NPSR1: variants seen among roughly 807,000 people sequenced by gnomAD.
The protein encoded by NPSR1 is neuropeptide S receptor.
NPSR1 carries 48 observed loss-of-function variants against 46.9 expected under a neutral mutation model. That is an observed-to-expected ratio of 1.02 (90% confidence interval 0.81 to 1.30). The LOEUF (loss-of-function observed/expected upper bound fraction) is 1.30, where lower values mean the gene tolerates loss of function less well. Among genes scored for constraint, NPSR1 ranks in the 50% most tolerant of loss-of-function variants. The probability of loss-of-function intolerance (pLI) is 0.00; values close to 1 mark genes in which losing one functional copy is unlikely to be tolerated. For synonymous variants in NPSR1, 176 were observed against 168.1 expected (o/e 1.05, Z -0.36); for missense variants, 450 against 449.5 (o/e 1.00, Z -0.01).
intron 2 of NPSR1, among the ~76,000 whole-genome samples, chr7:34,713,020 G>T (rs955837677): frequency 3.3e-5 from 5 of 152,288 alleles, no homozygotes; most frequent in South Asian, 2.1e-4. Context: ...CATGTGAGCT[G>T]CCCAGCTCCA....
intron 2 of NPSR1, among the ~76,000 whole-genome samples, chr7:34,697,891 G>A (rs2128693886): frequency 6.6e-6 from 1 of 152,134 alleles, no homozygotes; most frequent in East Asian, 1.9e-4. Flanking sequence ...TGCATTAATT[G>A]TAAATGGACT....
At chr7:34,819,908 C>A (rs985864738) in intron 4 of NPSR1, among the ~76,000 whole-genome samples, 34 of 152,092 alleles carry the variant, frequency 2.2e-4, no homozygotes, top group Non-Finnish European at 4.3e-4. Flanking sequence ...ACATCAGACA[C>A]CGGGGCCTGT....
At chr7:34,872,457 A>G (rs887983808) in intron 8 of NPSR1, among the ~76,000 whole-genome samples, 2 of 151,946 alleles carry the variant, frequency 1.3e-5, no homozygotes, top group African/African-American at 4.9e-5. Flanking sequence ...TTGCCTAGCA[A>G]GTGGTTGCTC....
rs2128756447 is a variant in NPSR1, at chr7:34,827,671, G to A, written c.680+69G>A. 5.2e-6 allele frequency: 5 copies of A among 956,120 alleles called. No individual in the cohort carries two copies. In the South Asian group the frequency reaches 6.7e-5, roughly 13 times the overall value. 59.2% of individuals were successfully genotyped at this position (956,120 alleles called of 1,614,324 possible). ...GGGGGGCTTTCCTGTTTCTCCAGCT[G>A]TTGCTCTCCTCCCCAACAGACCCAT... On this transcript the variant is annotated intron_variant, in intron 5 of 8. Transcript: ENST00000360581.
intron 2 of NPSR1, among the ~76,000 whole-genome samples, chr7:34,735,697 T>A (rs899063099): frequency 2.0e-5 from 3 of 152,208 alleles, no homozygotes; most frequent in Admixed American, 1.3e-4. Flanking sequence ...GTAGTTAAGG[T>A]TTTGATACTC....
At chr7:34,783,536 T>C (rs541977209) in intron 3 of NPSR1, among the ~76,000 whole-genome samples, 115 of 152,190 alleles carry the variant, frequency 7.6e-4, no homozygotes, top group Non-Finnish European at 2.1e-4. Flanking sequence ...AACTATATTA[T>C]ACAAGTTATA....
chr7:34,705,764 T>C (rs1794074701), intron 2 of NPSR1, among the ~76,000 whole-genome samples: 1 of 151,310 alleles, frequency 6.6e-6, no homozygotes, highest in African/African-American at 2.4e-5. Flanking sequence ...TAATATCACA[T>C]TTTTGTAACT....
intron 2 of NPSR1, among the ~76,000 whole-genome samples, chr7:34,757,015 A>G (rs1440307920): frequency 6.6e-6 from 1 of 152,178 alleles, no homozygotes; most frequent in Non-Finnish European, 1.5e-5. Context: ...ATTGTGCCTG[A>G]GCTGGCCTCC....
At chr7:34,874,235 T>TTATC (rs1381857120) in intron 8 of NPSR1, among the ~76,000 whole-genome samples, 1 of 152,224 alleles carries the variant, frequency 6.6e-6, no homozygotes, top group African/African-American at 2.4e-5. Flanking sequence ...GTTGCAGTGC[T>TTATC]TATCTGTGTG....
chr7:34,793,440 A>C (rs763736781), intron 3 of NPSR1, among the ~76,000 whole-genome samples: 2 of 152,270 alleles, frequency 1.3e-5, no homozygotes, highest in Non-Finnish European at 2.9e-5. Context: ...ACAAAAGAAG[A>C]CATACAAATG....
intron 3 of NPSR1, among the ~76,000 whole-genome samples, chr7:34,798,340 G>T (rs557085027): frequency 2.6e-5 from 4 of 152,210 alleles, no homozygotes; most frequent in Admixed American, 2.0e-4. Flanking sequence ...CTTGTGGCCA[G>T]CCTGACCAAC....
chr7:34,725,143 A>T (rs1216624958), intron 2 of NPSR1, among the ~76,000 whole-genome samples: 1 of 151,818 alleles, frequency 6.6e-6, no homozygotes, highest in Non-Finnish European at 1.5e-5. Flanking sequence ...ACACACACTC[A>T]CACACACACA....
At chr7:34,836,984 T>C (rs916503271) in intron 6 of NPSR1, among the ~76,000 whole-genome samples, 2 of 152,144 alleles carry the variant, frequency 1.3e-5, no homozygotes, top group Non-Finnish European at 1.5e-5. Flanking sequence ...ATCCCTTTTA[T>C]AGATATGTGC....
intron 2 of NPSR1, chr7:34,750,970 T>C (rs1344330059): frequency 2.6e-6 from 2 of 765,580 alleles, no homozygotes; most frequent in Non-Finnish European, 4.9e-6. Flanking sequence ...AGACTATAGA[T>C]TGCATTGCCC....
chr7:34,840,470 CA>C (rs2128762267), intron 6 of NPSR1, among the ~76,000 whole-genome samples: 1 of 146,760 alleles, frequency 6.8e-6, no homozygotes, highest in East Asian at 2.0e-4. Flanking sequence ...TGGAATAGCA[CA>C]GCACAGAGGA....
intron 1 of NPSR1, among the ~76,000 whole-genome samples, chr7:34,661,057 C>T (rs1791430929): frequency 6.6e-6 from 1 of 152,194 alleles, no homozygotes; most frequent in Non-Finnish European, 1.5e-5. Flanking sequence ...GTTAGTCATA[C>T]TCAATAAACA....
At chr7:34,718,672 C>T (rs540299221) in intron 2 of NPSR1, among the ~76,000 whole-genome samples, 79 of 152,254 alleles carry the variant, frequency 5.2e-4, no homozygotes, top group Non-Finnish European at 1.0e-3. Flanking sequence ...TATGGACTAG[C>T]AAAGGACAAA....
At chr7:34,780,466 AT>A (rs1787181277) in intron 3 of NPSR1, among the ~76,000 whole-genome samples, 1 of 152,192 alleles carries the variant, frequency 6.6e-6, no homozygotes, top group Non-Finnish European at 1.5e-5. Context: ...AGAAATTCTG[AT>A]AATTCTCTCT....
intron 1 of NPSR1, among the ~76,000 whole-genome samples, chr7:34,672,680 A>G (rs1283502651): frequency 6.6e-6 from 1 of 152,204 alleles, no homozygotes; most frequent in Non-Finnish European, 1.5e-5. Flanking sequence ...GTCAGGCAGT[A>G]ATCCAGAGTC....
Sources: gnomAD v4.1 joint callset for allele counts (sites outside exome capture counted in the v4.1 genomes callset) on GRCh38, gnomAD v4.1.1 for gene constraint, MANE v1.5 for transcripts, NCBI Gene and HGNC (gene_info 2026-07-23, HGNC 2026-07-21) for gene names.